GALNT18: variants seen among roughly 807,000 people sequenced by gnomAD.
GALNT18 encodes the protein polypeptide N-acetylgalactosaminyltransferase 18, also known as GalNAc-transferase 18.
A neutral mutation model predicts 69.5 loss-of-function variants in GALNT18; 44 were observed. The observed-to-expected ratio is 0.63, with a 90% CI of 0.50 to 0.81. The LOEUF (loss-of-function observed/expected upper bound fraction) is 0.81. GALNT18 is among the 40% of genes least tolerant of loss of function. The pLI is 0.00. For missense variants in GALNT18, 715 were observed against 810.0 expected (o/e 0.88, Z 1.42); for synonymous variants, 364 against 318.2 (o/e 1.14, Z -1.53).
In GALNT18 at chr11:11,621,624, G is replaced by T. The variant is rs376281859; in HGVS notation, c.-31C>A. On this transcript the variant is annotated 5_prime_UTR_variant, in exon 1 of 11. Coordinates refer to ENST00000227756, the MANE Select transcript of GALNT18 (RefSeq NM_198516.3). The surrounding 1 kb of genome is among the most constrained non-coding windows in gnomAD (Gnocchi z 9.3). ...GCTCCTTCCTCCATATAGAGCTCCC[G>T]GGGGCCCTTCCTTGTCGTGCGCCCC... 1.0e-5 allele frequency: 15 copies of T among 1,506,566 alleles called. No individual in the cohort carries two copies. Among genetic ancestry groups the T allele is most frequent in the Non-Finnish European group, 1.4e-5 (15 of 1,106,510 alleles). The allele number at this position is 1,506,566 out of a possible 1,614,324, so 93.3% of individuals were successfully genotyped here.
rs1380538749 is a variant in GALNT18 at position 11,497,735 on chromosome 11, G to T, written c.236-48799C>A. On this transcript the variant is annotated intron_variant, in intron 1 of 10. Coordinates refer to ENST00000227756, the MANE Select transcript of GALNT18 (RefSeq NM_198516.3). The surrounding 1 kb of genome is among the most constrained non-coding windows in gnomAD (Gnocchi z 4.2). ...AAATTGTGCAGATAAATGTGTATGT[G>T]CATATACATATTTTCTATATATATA... Among the ~76,000 whole-genome samples the T allele has an allele frequency of 7.7e-6, 1 of 130,528 alleles. No homozygotes were observed. The highest frequency in any genetic ancestry group is 1.6e-5 in the Non-Finnish European group (1 of 63,230). The allele number at this position is 130,528 out of a possible 152,430, so 85.6% of individuals were successfully genotyped here. A position where few individuals can be genotyped will look rare whatever the true frequency, so the allele number is the denominator to read the frequency against.
intron 6 of GALNT18, among the ~76,000 whole-genome samples, chr11:11,364,620 C>A (rs112521923): frequency 1.3e-5 from 2 of 152,090 alleles, no homozygotes; most frequent in Non-Finnish European, 2.9e-5. Flanking sequence ...AATTAACCAA[C>A]TGAATCTTGA....
chr11:11,399,741 A>C (rs1390788808), intron 3 of GALNT18, among the ~76,000 whole-genome samples: 1 of 152,228 alleles, frequency 6.6e-6, no homozygotes, highest in East Asian at 1.9e-4. Flanking sequence ...AATTAGGAAC[A>C]ATAACAGAAC....
At chr11:11,392,717 C>T (rs1242617889) in intron 3 of GALNT18, among the ~76,000 whole-genome samples, 5 of 152,232 alleles carry the variant, frequency 3.3e-5, no homozygotes, top group East Asian at 1.9e-4. Context: ...AACATGGGCT[C>T]ACCAAGTTTG....
At chr11:11,476,202 C>G (rs1179804353) in intron 1 of GALNT18, 1 of 152,174 alleles carries the variant, frequency 6.6e-6, no homozygotes, top group African/African-American at 2.4e-5. Context: ...TTTCCCTGTA[C>G]CAGCTGATAA....
At chr11:11,455,272 T>A (rs1282559082) in intron 1 of GALNT18, among the ~76,000 whole-genome samples, 1 of 152,192 alleles carries the variant, frequency 6.6e-6, no homozygotes, top group East Asian at 1.9e-4. Context: ...TCATATAGCA[T>A]CCAACTTAGT....
chr11:11,532,357 G>T (rs1040816725), intron 1 of GALNT18, among the ~76,000 whole-genome samples: 1 of 152,060 alleles, frequency 6.6e-6, no homozygotes, highest in East Asian at 1.9e-4. Flanking sequence ...AAGAAACCAG[G>T]GCTCAGAGTC....
At chr11:11,569,684 T>C (rs867057117) in intron 1 of GALNT18, among the ~76,000 whole-genome samples, 1 of 152,142 alleles carries the variant, frequency 6.6e-6, no homozygotes. Context: ...CAATACCCAA[T>C]GTGACAGGAA....
intron 10 of GALNT18, among the ~76,000 whole-genome samples, chr11:11,279,783 T>A (rs941620474): frequency 2.6e-4 from 40 of 152,246 alleles, no homozygotes; most frequent in African/African-American, 8.7e-4. Context: ...AGGGTGTTGC[T>A]AGCAGTCCTA....
At chr11:11,393,230 A>T (rs1398878998) in intron 3 of GALNT18, among the ~76,000 whole-genome samples, 1 of 152,104 alleles carries the variant, frequency 6.6e-6, no homozygotes, top group East Asian at 1.9e-4. Context: ...GGGGTTACTG[A>T]TGGGACTGGA....
At chr11:11,361,239 T>C (rs987983002) in intron 6 of GALNT18, among the ~76,000 whole-genome samples, 1 of 152,250 alleles carries the variant, frequency 6.6e-6, no homozygotes, top group African/African-American at 2.4e-5. Flanking sequence ...CACAACGCTA[T>C]GCCTTCTTAG....
At chr11:11,460,575 C>G (rs1856017172) in intron 1 of GALNT18, among the ~76,000 whole-genome samples, 1 of 152,202 alleles carries the variant, frequency 6.6e-6, no homozygotes, top group Non-Finnish European at 1.5e-5. Context: ...CCTTGAAGCC[C>G]TTTTGGCCTT....
intron 3 of GALNT18, among the ~76,000 whole-genome samples, chr11:11,403,709 T>G (rs1589973289): frequency 6.6e-6 from 1 of 152,076 alleles, no homozygotes; most frequent in East Asian, 1.9e-4. Context: ...GGAGGACAGG[T>G]TGCTTGGTAG....
rs567308575 is a variant in GALNT18, at chr11:11,281,211, C to T, written c.1678-9921G>A. Among the ~76,000 whole-genome samples, 128 of 152,276 alleles carry T rather than the reference C, an allele frequency of 8.4e-4. 1 individual carries two copies. Among genetic ancestry groups the T allele is most frequent in the African/African-American group, 3.1e-3 (127 of 41,542 alleles). ...GGAGCCAGGTAGAAAGGGAAGAGTG[C>T]TGAGCTAGGATGCTGAGGACACAGC... On this transcript the variant is annotated intron_variant, in intron 10 of 10. Transcript: ENST00000227756.
intron 3 of GALNT18, among the ~76,000 whole-genome samples, chr11:11,417,136 C>A (rs1056254211): frequency 6.6e-6 from 1 of 152,204 alleles, no homozygotes; most frequent in Non-Finnish European, 1.5e-5. Flanking sequence ...GTCTACAACC[C>A]AGGGACAGAA....
intron 1 of GALNT18, chr11:11,475,652 T>C (rs893740916): frequency 6.6e-6 from 1 of 152,260 alleles, no homozygotes; most frequent in Admixed American, 6.5e-5. Context: ...CCAACAATAC[T>C]GCTAGCCAGC....
intron 3 of GALNT18, among the ~76,000 whole-genome samples, chr11:11,395,175 C>G (rs1203683726): frequency 6.6e-6 from 1 of 152,224 alleles, no homozygotes; most frequent in African/African-American, 2.4e-5. Flanking sequence ...TGAGGTCCCA[C>G]AGTTGGAAGG....
chr11:11,390,750 G>A (rs1854168314), intron 3 of GALNT18, among the ~76,000 whole-genome samples: 1 of 152,210 alleles, frequency 6.6e-6, no homozygotes, highest in Non-Finnish European at 1.5e-5. Flanking sequence ...CAGTGAAAAA[G>A]CAGAACCCAA....
intron 1 of GALNT18, among the ~76,000 whole-genome samples, chr11:11,502,427 C>G (rs1856993033): frequency 6.6e-6 from 1 of 152,172 alleles, no homozygotes; most frequent in Non-Finnish European, 1.5e-5. Context: ...GAAACACAGA[C>G]AAGAGGCCTT....
Sources: allele counts gnomAD v4.1 joint callset (sites outside exome capture counted in the v4.1 genomes callset), GRCh38; gene constraint gnomAD v4.1.1; non-coding constraint Gnocchi (gnomAD v3.1); transcripts MANE v1.5; gene names NCBI Gene and HGNC (gene_info 2026-07-23, HGNC 2026-07-21).